The following RGS7 variants were observed in gnomAD, a reference collection of about 807,000 sequenced individuals.
The protein encoded by RGS7 is regulator of G protein signaling 7.
Under a neutral mutation model 81.1 loss-of-function variants are expected in RGS7, and 27 were observed. The ratio of observed to expected loss-of-function variants is 0.33; its 90% confidence interval spans 0.25 to 0.46. RGS7 has a LOEUF of 0.46. RGS7 is among the 20% of genes least tolerant of loss of function. RGS7 has a pLI of 1.00. For missense variants in RGS7, 396 were observed against 607.4 expected (o/e 0.65, Z 3.66); for synonymous variants, 208 against 207.7 (o/e 1.00, Z -0.01).
chr1:240,788,636 G>A (rs1685458734), intron 18 of RGS7, among the ~76,000 whole-genome samples: 1 of 152,232 alleles, frequency 6.6e-6, no homozygotes. Flanking sequence ...AGTGAGAACT[G>A]CGGATGTTTA....
intron 3 of RGS7, among the ~76,000 whole-genome samples, chr1:241,072,552 T>C (rs1269099180): frequency 6.6e-6 from 1 of 152,256 alleles, no homozygotes; most frequent in East Asian, 1.9e-4. Flanking sequence ...TCAGCTCTAG[T>C]ATGAAATTGA....
At chr1:241,090,998 G>C (rs956991732) in intron 3 of RGS7, among the ~76,000 whole-genome samples, 1 of 152,182 alleles carries the variant, frequency 6.6e-6, no homozygotes, top group Non-Finnish European at 1.5e-5. Flanking sequence ...TACCCATGAG[G>C]TGGTGAGAAA....
intron 2 of RGS7, among the ~76,000 whole-genome samples, chr1:241,221,182 AAGAG>A (rs145420449): frequency 0.16 from 24,745 of 151,810 alleles, 2,494 homozygotes; most frequent in Middle Eastern, 0.22. Flanking sequence ...GGAAAAAAGA[AAGAG>A]AGAAAGAAAG....
chr1:241,218,949 C>G (rs568168306), intron 2 of RGS7, among the ~76,000 whole-genome samples: 14 of 152,052 alleles, frequency 9.2e-5, no homozygotes, highest in Non-Finnish European at 1.6e-4. Context: ...CTTTGAGAAC[C>G]ATTGGCTAAG....
chr1:241,155,254 C>T (rs1225398694), intron 2 of RGS7, among the ~76,000 whole-genome samples: 3 of 152,058 alleles, frequency 2.0e-5, no homozygotes, highest in East Asian at 3.9e-4. Context: ...GTGCATACCC[C>T]GAGGCCCAGC....
chr1:241,032,693 C>T (rs377599572), intron 3 of RGS7, among the ~76,000 whole-genome samples: 4 of 152,268 alleles, frequency 2.6e-5, no homozygotes, highest in African/African-American at 9.6e-5. Flanking sequence ...TCTCAGAGAT[C>T]TTTCACGTCC....
chr1:240,781,658 A>G (rs1684116063), intron 18 of RGS7, among the ~76,000 whole-genome samples: 3 of 152,196 alleles, frequency 2.0e-5, no homozygotes, highest in Admixed American at 1.3e-4. Flanking sequence ...TCAAATGTGC[A>G]ATAAGGATAT....
chr1:241,271,503 C>G lies in RGS7; in HGVS notation c.78+84196G>C, dbSNP rs1200990254. On this transcript the variant is annotated intron_variant, in intron 2 of 18. Transcript: ENST00000440928. This position sits in a 1 kb window ranked among gnomAD's most constrained non-coding sequence, Gnocchi z 4.6. ...TTCTGTGACGGTTCATTTTACATGT[C>G]AACTTGACTGTTTCACAGGAGTGCC... Among the ~76,000 whole-genome samples the G allele has an allele frequency of 6.6e-6, 1 of 152,190 alleles. No homozygotes were observed. The highest frequency in any genetic ancestry group is 1.5e-5 in the Non-Finnish European group (1 of 68,028).
intron 4 of RGS7, among the ~76,000 whole-genome samples, chr1:240,939,455 T>C (rs1677190409): frequency 6.6e-6 from 1 of 152,196 alleles, no homozygotes; most frequent in East Asian, 1.9e-4. Context: ...TCTTTTTTTT[T>C]GACTGTCTGT....
rs1652013443 is a variant in RGS7 at position 240,866,518 on chromosome 1, A to AG, written c.609+2068_609+2069insC. Among the ~76,000 whole-genome samples, 2 of 151,984 alleles carry AG rather than the reference A, an allele frequency of 1.3e-5. 1 individual carries two copies. Among genetic ancestry groups the AG allele is most frequent in the Admixed American group, 1.3e-4 (2 of 15,266 alleles). ...AGAGCGAGACTCCGTCTCAAAAAAA[A>AG]AAAAAAAAAGTTCAACAAGGGAGAT... is the stretch of plus-strand genomic sequence containing the variant. On this transcript the variant is annotated intron_variant, in intron 9 of 18. Transcript: ENST00000440928.
chr1:240,842,604 T>G (rs1411296399), intron 9 of RGS7, among the ~76,000 whole-genome samples: 1 of 131,368 alleles, frequency 7.6e-6, no homozygotes, highest in Non-Finnish European at 1.7e-5. Flanking sequence ...AATATCAGAT[T>G]TAATTTTTAA....
chr1:240,907,861 T>C (rs1671080329), intron 6 of RGS7, among the ~76,000 whole-genome samples: 1 of 152,174 alleles, frequency 6.6e-6, no homozygotes, highest in Non-Finnish European at 1.5e-5. Flanking sequence ...ACCGCTAGAC[T>C]TGAGAGAATG....
intron 9 of RGS7, among the ~76,000 whole-genome samples, chr1:240,863,446 G>A (rs1662619286): frequency 6.6e-6 from 1 of 152,158 alleles, no homozygotes; most frequent in Admixed American, 6.5e-5. Flanking sequence ...CTGCACTCCA[G>A]CCTGGGCGAC....
At chr1:241,035,690 A>G (rs545753304) in intron 3 of RGS7, among the ~76,000 whole-genome samples, 97 of 152,224 alleles carry the variant, frequency 6.4e-4, no homozygotes, top group Non-Finnish European at 7.4e-5. Flanking sequence ...CCTTATCAGC[A>G]CCACTATCAC....
intron 2 of RGS7, among the ~76,000 whole-genome samples, chr1:241,306,712 C>T (rs1286479191): frequency 2.0e-5 from 3 of 151,724 alleles, no homozygotes; most frequent in African/African-American, 7.3e-5. Context: ...CACCCTTATA[C>T]ACATACCCTC....
intron 2 of RGS7, among the ~76,000 whole-genome samples, chr1:241,184,524 A>G (rs532914017): frequency 2.1e-4 from 32 of 152,368 alleles, no homozygotes; most frequent in African/African-American, 7.2e-4. Context: ...GAGTGCTGAC[A>G]TGAGGACACA....
chr1:241,029,877 A>G (rs1185899582), intron 3 of RGS7, among the ~76,000 whole-genome samples: 4 of 152,134 alleles, frequency 2.6e-5, no homozygotes, highest in African/African-American at 9.7e-5. Flanking sequence ...TTCTTATTTC[A>G]TTTCTTTTCA....
intron 3 of RGS7, among the ~76,000 whole-genome samples, chr1:241,060,821 A>G (rs2061702874): frequency 1.3e-5 from 2 of 152,226 alleles, no homozygotes; most frequent in African/African-American, 4.8e-5. Context: ...ACCTTAAAAC[A>G]AAGCTTAGCG....
intron 4 of RGS7, among the ~76,000 whole-genome samples, chr1:240,941,206 G>A (rs1008113035): frequency 6.6e-6 from 1 of 152,126 alleles, no homozygotes; most frequent in African/African-American, 2.4e-5. Context: ...CATATGTCAA[G>A]GTGAAATCAA....
Sources: allele counts gnomAD v4.1 joint callset (sites outside exome capture counted in the v4.1 genomes callset), GRCh38; gene constraint gnomAD v4.1.1; non-coding constraint Gnocchi (gnomAD v3.1); transcripts MANE v1.5; gene names NCBI Gene and HGNC (gene_info 2026-07-23, HGNC 2026-07-21).